KCNMA1: variants seen among roughly 807,000 people sequenced by gnomAD.
KCNMA1 encodes potassium calcium-activated channel subfamily M alpha 1.
Under a neutral mutation model 140.0 loss-of-function variants are expected in KCNMA1, and 29 were observed. The ratio of observed to expected loss-of-function variants is 0.21; its 90% CI spans 0.15 to 0.28. The LOEUF is 0.28. KCNMA1 is among the 10% of genes least tolerant of loss of function. The pLI is 1.00. For missense variants in KCNMA1, 880 were observed against 1,602.2 expected, an observed-to-expected ratio of 0.55 and a Z score of 7.70; for synonymous variants, 612 against 611.9, an observed-to-expected ratio of 1.00 and a Z score of 0.00.
intron 3 of KCNMA1, among the ~76,000 whole-genome samples, chr10:77,204,098 G>GAAAA (rs11325401): frequency 8.3e-6 from 1 of 120,260 alleles, no homozygotes. Context: ...TCCCTCTCAG[G>GAAAA]AAAAAAAAAA....
chr10:77,545,730 A>G (rs548487965), intron 1 of KCNMA1, among the ~76,000 whole-genome samples: 1 of 152,352 alleles, frequency 6.6e-6, no homozygotes, highest in South Asian at 2.1e-4. Flanking sequence ...CACAGAGGGT[A>G]GCAAGCCTCC....
chr10:77,337,475 C>G (rs1008170805), intron 2 of KCNMA1, among the ~76,000 whole-genome samples: 2 of 152,134 alleles, frequency 1.3e-5, no homozygotes, highest in Non-Finnish European at 2.9e-5. Context: ...CAAAAATTAG[C>G]TGGGTGTGGT....
chr10:76,883,446 C>A (rs1341138130), downstream of KCNMA1, among the ~76,000 whole-genome samples: 2 of 152,168 alleles, frequency 1.3e-5, no homozygotes, highest in Non-Finnish European at 2.9e-5. Flanking sequence ...CTTTCTCCAT[C>A]CATTTGAACT....
At chr10:77,622,523 C>G (rs960505876) in intron 1 of KCNMA1, among the ~76,000 whole-genome samples, 3 of 152,084 alleles carry the variant, frequency 2.0e-5, no homozygotes, top group Non-Finnish European at 4.4e-5. Context: ...ATAATACCAC[C>G]GAATTCACTG....
At chr10:77,464,811 T>C (rs1603626277) in intron 1 of KCNMA1, among the ~76,000 whole-genome samples, 1 of 152,128 alleles carries the variant, frequency 6.6e-6, no homozygotes, top group East Asian at 1.9e-4. Flanking sequence ...ATTGCCTGAG[T>C]TGGACAGAGT....
At chr10:77,523,962 T>A (rs2054569906) in intron 1 of KCNMA1, among the ~76,000 whole-genome samples, 1 of 152,226 alleles carries the variant, frequency 6.6e-6, no homozygotes, top group African/African-American at 2.4e-5. Flanking sequence ...GGATTGTTTG[T>A]AACTCAAAGG....
At chr10:77,380,203 T>A (rs1334121828) in intron 2 of KCNMA1, among the ~76,000 whole-genome samples, 2 of 152,208 alleles carry the variant, frequency 1.3e-5, no homozygotes, top group East Asian at 3.8e-4. Flanking sequence ...TCACACTCAC[T>A]GTCACCCTCT....
In KCNMA1 at chr10:76,871,689, T is replaced by A. The variant is rs2031372957; in HGVS notation, c.*6180A>T. On this transcript the variant is annotated 3_prime_UTR_variant, in exon 28 of 28. Transcript: ENST00000604624. ...GATTAACATCATTCACCCTGCCACA[T>A]GCCAGATAATCCTGCCTTCATACCT... 6 of 152,230 alleles carry A rather than the reference T, an allele frequency of 3.9e-5. No individual in the cohort carries two copies. The South Asian group carries it at 1.2e-3, about 32-fold the overall frequency. The allele number at this position is 152,230 out of a possible 1,614,324, so 9.4% of individuals were successfully genotyped here. A position where few individuals can be genotyped will look rare whatever the true frequency, so the allele number is the denominator to read the frequency against.
intron 1 of KCNMA1, among the ~76,000 whole-genome samples, chr10:77,623,260 C>G (rs2091842220): frequency 6.6e-6 from 1 of 152,206 alleles, no homozygotes; most frequent in Non-Finnish European, 1.5e-5. Context: ...AAATACAGCA[C>G]TTGCATTGCC....
intron 1 of KCNMA1, among the ~76,000 whole-genome samples, chr10:77,417,014 C>T (rs2096756955): frequency 2.0e-5 from 3 of 152,184 alleles, no homozygotes; most frequent in African/African-American, 7.2e-5. Flanking sequence ...ACCTGCTCTT[C>T]CACCTGACTT....
chr10:77,211,993 T>A (rs2046238938), intron 3 of KCNMA1, among the ~76,000 whole-genome samples: 1 of 152,226 alleles, frequency 6.6e-6, no homozygotes, highest in African/African-American at 2.4e-5. Context: ...TACACACTGT[T>A]GGTGGGAATG....
chr10:77,625,069 T>C lies in KCNMA1; in HGVS notation c.378+12196A>G, dbSNP rs142025591. Among the ~76,000 whole-genome samples the C allele has an allele frequency of 1.6e-3, 239 of 152,266 alleles. 1 individual carries two copies. The highest frequency in any genetic ancestry group is 5.5e-3 in the African/African-American group (229 of 41,552). ...TTCCCTTTTCTCAAATGTTTATTTA[T>C]AATTGTGGTGAAATACACAGAAGAC... On this transcript the variant is annotated intron_variant, in intron 1 of 27. Coordinates refer to ENST00000286628, the MANE Select transcript of KCNMA1 (RefSeq NM_001161352.2).
chr10:77,110,479 C>G (rs545402547), intron 7 of KCNMA1, 136 bp from the exon 8 acceptor site: 1 of 794,096 alleles, frequency 1.3e-6, no homozygotes, highest in African/African-American at 1.7e-5. Context: ...GTGTGGTTCC[C>G]GGGCTGAGTT....
intron 19 of KCNMA1, among the ~76,000 whole-genome samples, chr10:77,000,233 G>A (rs1006965262): frequency 1.1e-4 from 17 of 152,314 alleles, no homozygotes; most frequent in Admixed American, 6.5e-5. Context: ...GAGGAAGGGA[G>A]GAAGTGCAGA....
At chr10:77,373,462 C>T (rs1230277703) in intron 2 of KCNMA1, among the ~76,000 whole-genome samples, 1 of 152,154 alleles carries the variant, frequency 6.6e-6, no homozygotes, top group African/African-American at 2.4e-5. Flanking sequence ...TAGGGTTGAA[C>T]ATCTTACGGA....
At chr10:77,296,516 A>G (rs148368541) in intron 2 of KCNMA1, among the ~76,000 whole-genome samples, 73 of 152,316 alleles carry the variant, frequency 4.8e-4, no homozygotes, top group African/African-American at 1.7e-3. Context: ...TTTAAAACCA[A>G]CTAATTCATG....
At chr10:76,958,635 A>G (rs12783439) in intron 20 of KCNMA1, among the ~76,000 whole-genome samples, 1 of 152,204 alleles carries the variant, frequency 6.6e-6, no homozygotes, top group Non-Finnish European at 1.5e-5. Context: ...TGTCCTTACA[A>G]GAAGAGGAAA....
chr10:76,947,062 C>T (rs113742030), intron 22 of KCNMA1, among the ~76,000 whole-genome samples: 20 of 152,204 alleles, frequency 1.3e-4, no homozygotes, highest in East Asian at 1.9e-4. Context: ...GAGCCGGGCG[C>T]GGTGGCTGAT....
intron 1 of KCNMA1, among the ~76,000 whole-genome samples, chr10:77,450,981 C>T (rs2097644245): frequency 6.6e-6 from 1 of 152,156 alleles, no homozygotes; most frequent in Non-Finnish European, 1.5e-5. Context: ...TGCCTTCTTA[C>T]CTGCTGCCAT....
Sources: allele counts gnomAD v4.1 joint callset (sites outside exome capture counted in the v4.1 genomes callset), GRCh38; gene constraint gnomAD v4.1.1; transcripts MANE v1.5; gene names NCBI Gene and HGNC (gene_info 2026-07-23, HGNC 2026-07-21).